Variants in RANBP2 observed in about 807,000 individuals in gnomAD.
RANBP2 encodes the protein RAN binding protein 2.
In RANBP2, 57 loss-of-function variants were observed where a neutral mutation model predicts 303.6. The observed-to-expected ratio is 0.19, with a 90% CI of 0.15 to 0.23. The LOEUF is 0.23. Among genes scored for constraint, RANBP2 ranks in the 10% least tolerant of loss-of-function variants. The pLI is 1.00. For missense variants in RANBP2, 3,138 were observed against 3,780.8 expected (o/e 0.83, Z 4.46); for synonymous variants, 1,167 against 1,301.5 (o/e 0.90, Z 2.23).
chr2:109,576,044 G>T, the RANBP2 span, among the ~76,000 whole-genome samples: 1 of 151,972 alleles, frequency 6.6e-6, no homozygotes, highest in Admixed American at 6.6e-5. Context: ...ATCACTTGAG[G>T]CCAGGAGTTC....
chr2:109,246,889 T>C, the RANBP2 span, among the ~76,000 whole-genome samples: 84 of 152,302 alleles, frequency 5.5e-4, no homozygotes, highest in Non-Finnish European at 1.1e-3. Context: ...ACAGGTTTGA[T>C]GCTAGGACCC....
chr2:108,877,598 T>C, the RANBP2 span, among the ~76,000 whole-genome samples: 1 of 65,214 alleles, frequency 1.5e-5, no homozygotes, highest in Non-Finnish European at 4.8e-5. Context: ...TCAGAGTATA[T>C]AGAGATAGTA....
At chr2:108,945,371 C>A in the RANBP2 span, among the ~76,000 whole-genome samples, 6 of 152,238 alleles carry the variant, frequency 3.9e-5, no homozygotes, top group South Asian at 1.2e-3. Flanking sequence ...CCAAGAGCCC[C>A]CAAGCAACGC....
At chr2:109,570,985 T>C in the RANBP2 span, among the ~76,000 whole-genome samples, 1 of 152,066 alleles carries the variant, frequency 6.6e-6, no homozygotes, top group Non-Finnish European at 1.5e-5. Flanking sequence ...GTTGGAGGGG[T>C]CTGGTGAGAG....
At chr2:108,840,921 C>T in the RANBP2 span, among the ~76,000 whole-genome samples, 34 of 152,120 alleles carry the variant, frequency 2.2e-4, no homozygotes, top group Non-Finnish European at 4.7e-4. Flanking sequence ...AAGTGATTCT[C>T]CTGCATCAGC....
the RANBP2 span, among the ~76,000 whole-genome samples, chr2:108,876,921 G>A: frequency 1.3e-5 from 2 of 152,280 alleles, no homozygotes; most frequent in Admixed American, 6.5e-5. Context: ...GAGTAAAGTG[G>A]CCACAGGTCT....
chr2:109,222,322 A>T, the RANBP2 span, among the ~76,000 whole-genome samples: 3 of 152,234 alleles, frequency 2.0e-5, no homozygotes, highest in Non-Finnish European at 4.4e-5. Context: ...TGTATATTTT[A>T]CAATAGCTAA....
chr2:109,004,900 AG>A, the RANBP2 span, among the ~76,000 whole-genome samples: 1 of 152,154 alleles, frequency 6.6e-6, no homozygotes, highest in Non-Finnish European at 1.5e-5. Context: ...TTATTGAACA[AG>A]GGCATGCTCT....
chr2:109,666,757 T>C, the RANBP2 span, among the ~76,000 whole-genome samples: 46 of 152,328 alleles, frequency 3.0e-4, no homozygotes, highest in Admixed American at 7.8e-4. Context: ...TAGATTATTA[T>C]ACTCATTAGG....
At chr2:109,702,785 C>T in the RANBP2 span, among the ~76,000 whole-genome samples, 3 of 143,904 alleles carry the variant, frequency 2.1e-5, no homozygotes, top group African/African-American at 7.5e-5. Flanking sequence ...CAGCCGCATT[C>T]TTTGGGTTCT....
the RANBP2 span, among the ~76,000 whole-genome samples, chr2:108,900,722 A>G: frequency 3.9e-5 from 6 of 152,234 alleles, no homozygotes; most frequent in Non-Finnish European, 8.8e-5. Flanking sequence ...GGAAAAATAC[A>G]TATCATGCAA....
At chr2:109,125,309 G>A in the RANBP2 span, among the ~76,000 whole-genome samples, 2 of 152,142 alleles carry the variant, frequency 1.3e-5, no homozygotes, top group Admixed American at 1.3e-4. Context: ...TTGGTGGGGG[G>A]GTTAGAATTA....
the RANBP2 span, among the ~76,000 whole-genome samples, chr2:109,138,126 C>T: frequency 6.6e-6 from 1 of 152,238 alleles, no homozygotes; most frequent in Non-Finnish European, 1.5e-5. Flanking sequence ...AGCTATTCTT[C>T]TGCCTCAGCC....
chr2:109,203,331 T>C, the RANBP2 span, among the ~76,000 whole-genome samples: 1 of 152,246 alleles, frequency 6.6e-6, no homozygotes, highest in African/African-American at 2.4e-5. Flanking sequence ...GTGGCGCAGA[T>C]GCGGCGGAGC....
At chr2:109,045,827 G>C in the RANBP2 span, among the ~76,000 whole-genome samples, 2 of 152,142 alleles carry the variant, frequency 1.3e-5, no homozygotes, top group Non-Finnish European at 2.9e-5. Context: ...GTGCTCACCT[G>C]AAAGGGACTT....
At chr2:108,896,916 A>G in the RANBP2 span, 4 of 1,612,040 alleles carry the variant, frequency 2.5e-6, no homozygotes, top group Non-Finnish European at 3.4e-6. Context: ...TTCAGGATGC[A>G]GCATGTGGCT....
chr2:109,328,465 A>G, the RANBP2 span, among the ~76,000 whole-genome samples: 2 of 152,014 alleles, frequency 1.3e-5, no homozygotes, highest in African/African-American at 2.4e-5. Context: ...ATTTCCTGTA[A>G]ACTGGTAGTT....
chr2:109,150,221 G>C, the RANBP2 span, among the ~76,000 whole-genome samples: 1 of 152,144 alleles, frequency 6.6e-6, no homozygotes, highest in Non-Finnish European at 1.5e-5. Context: ...AGGTAAAGAG[G>C]GAGGAAGAGT....
chr2:109,473,214 C>T, the RANBP2 span, among the ~76,000 whole-genome samples: 1 of 152,240 alleles, frequency 6.6e-6, no homozygotes, highest in Non-Finnish European at 1.5e-5. Flanking sequence ...CATACGAGCG[C>T]CTCACACAGG....
Sources: gnomAD v4.1 joint callset for allele counts (sites outside exome capture counted in the v4.1 genomes callset) on GRCh38, gnomAD v4.1.1 for gene constraint, MANE v1.5 for transcripts, NCBI Gene and HGNC (gene_info 2026-07-23, HGNC 2026-07-21) for gene names.